Variants in USH2A observed in about 807,000 individuals in gnomAD.
USH2A encodes usherin.
A neutral mutation model predicts 538.9 loss-of-function variants in USH2A; 443 were observed. That is an observed-to-expected ratio of 0.82 (90% confidence interval 0.76 to 0.89). The LOEUF is 0.89. Among genes scored for constraint, USH2A ranks in the 40% least tolerant of loss-of-function variants. The pLI, the probability that USH2A is intolerant of heterozygous loss-of-function variation, is 0.00. For synonymous variants in USH2A, 2,413 were observed against 2,273.5 expected (o/e 1.06, Z -1.75); for missense variants, 6,633 against 6,324.8 (o/e 1.05, Z -1.65).
At chr1:216,262,582 C>T (rs1333669178) in intron 11 of USH2A, among the ~76,000 whole-genome samples, 2 of 151,952 alleles carry the variant, frequency 1.3e-5, no homozygotes, top group African/African-American at 2.4e-5. Context: ...ACTTGTGGGA[C>T]ACCATTAAGC....
intron 58 of USH2A, among the ~76,000 whole-genome samples, chr1:215,747,439 G>A (rs1660502081): frequency 6.6e-6 from 1 of 152,068 alleles, no homozygotes; most frequent in African/African-American, 2.4e-5. Flanking sequence ...CGACAAAACT[G>A]GCAGTTTTTA....
chr1:215,637,006 C>T (rs1400781205), intron 69 of USH2A, among the ~76,000 whole-genome samples: 1 of 151,984 alleles, frequency 6.6e-6, no homozygotes, highest in African/African-American at 2.4e-5. Context: ...CCCTTCCCTT[C>T]TGTCTTTTTG....
intron 11 of USH2A, among the ~76,000 whole-genome samples, chr1:216,274,513 G>A (rs1298798174): frequency 1.3e-5 from 2 of 152,094 alleles, no homozygotes; most frequent in East Asian, 3.9e-4. Context: ...TTTTCCTTAA[G>A]CTTCTGCATC....
intron 21 of USH2A, among the ~76,000 whole-genome samples, chr1:216,165,725 G>T (rs2034153311): frequency 6.6e-6 from 1 of 151,486 alleles, no homozygotes. Context: ...AATGTCTTAT[G>T]CCGTGCAAGA....
intron 32 of USH2A, among the ~76,000 whole-genome samples, chr1:216,040,534 A>G (rs1199032478): frequency 1.3e-5 from 2 of 152,002 alleles, no homozygotes; most frequent in Non-Finnish European, 2.9e-5. Context: ...TAAACTTCTT[A>G]AAAACGGCCA....
At chr1:216,396,876 A>G (rs1338880279) in intron 3 of USH2A, among the ~76,000 whole-genome samples, 1 of 152,224 alleles carries the variant, frequency 6.6e-6, no homozygotes, top group East Asian at 1.9e-4. Flanking sequence ...TACAAATTGT[A>G]TTATCTCCGC....
chr1:216,379,171 A>G (rs954648810), intron 3 of USH2A, among the ~76,000 whole-genome samples: 1 of 152,118 alleles, frequency 6.6e-6, no homozygotes, highest in Non-Finnish European at 1.5e-5. Flanking sequence ...GCTGTTTGCA[A>G]TTCCTGTCCC....
chr1:215,626,781 C>G (rs1656040116), intron 71 of USH2A, among the ~76,000 whole-genome samples: 1 of 152,296 alleles, frequency 6.6e-6, no homozygotes, highest in Non-Finnish European at 1.5e-5. Context: ...ACTCATCTCT[C>G]TAAACCTCAG....
At chr1:215,864,615 A>T (rs1449731778) in intron 44 of USH2A, among the ~76,000 whole-genome samples, 1 of 152,142 alleles carries the variant, frequency 6.6e-6, no homozygotes, top group African/African-American at 2.4e-5. Context: ...TCCTCAAATT[A>T]TCTTTATGTA....
intron 43 of USH2A, among the ~76,000 whole-genome samples, chr1:215,874,080 T>C (rs1197292110): frequency 6.6e-6 from 1 of 152,180 alleles, no homozygotes; most frequent in African/African-American, 2.4e-5. Context: ...CTGAAAATTG[T>C]GAAGGTAGAT....
chr1:215,690,969 C>T (rs1455406660), intron 61 of USH2A, among the ~76,000 whole-genome samples: 3 of 152,070 alleles, frequency 2.0e-5, no homozygotes, highest in Non-Finnish European at 4.4e-5. Flanking sequence ...CTGCAACCTC[C>T]ACCTCCCAGG....
intron 20 of USH2A, among the ~76,000 whole-genome samples, chr1:216,184,347 C>G (rs942861771): frequency 1.3e-5 from 2 of 151,872 alleles, no homozygotes; most frequent in Non-Finnish European, 2.9e-5. Flanking sequence ...TGGCAGCAGC[C>G]TCAGATTCAT....
intron 58 of USH2A, among the ~76,000 whole-genome samples, 172 bp downstream of exon 58, chr1:215,758,423 G>A (rs1329764035): frequency 6.6e-6 from 1 of 151,800 alleles, no homozygotes; most frequent in Non-Finnish European, 1.5e-5. Context: ...ATGTATGTAT[G>A]TACTCATGCG....
intron 3 of USH2A, among the ~76,000 whole-genome samples, chr1:216,391,069 T>C (rs2102746279): frequency 6.6e-6 from 1 of 152,280 alleles, no homozygotes; most frequent in Admixed American, 6.5e-5. Flanking sequence ...AACTCTAAGC[T>C]CACTGTCAAG....
chr1:215,652,856 G>C (rs563153141), intron 64 of USH2A, among the ~76,000 whole-genome samples: 1 of 152,324 alleles, frequency 6.6e-6, no homozygotes, highest in East Asian at 1.9e-4. Flanking sequence ...TTGGTGATTT[G>C]AGCGCAGGCA....
At chr1:215,656,855 C>T (rs1657270802) in intron 64 of USH2A, among the ~76,000 whole-genome samples, 1 of 152,120 alleles carries the variant, frequency 6.6e-6, no homozygotes, top group South Asian at 2.1e-4. Flanking sequence ...GGAATGTGAA[C>T]ATAATTTTGT....
At chr1:215,828,816 C>G (rs560712046) in intron 47 of USH2A, among the ~76,000 whole-genome samples, 5 of 152,256 alleles carry the variant, frequency 3.3e-5, no homozygotes, top group South Asian at 2.1e-4. Context: ...AATAAAACAT[C>G]TTTCTTGTTT....
At chr1:215,804,399 A>G (rs1204397577) in intron 49 of USH2A, among the ~76,000 whole-genome samples, 1 of 152,156 alleles carries the variant, frequency 6.6e-6, no homozygotes, top group Non-Finnish European at 1.5e-5. Flanking sequence ...ACAAAGGGCT[A>G]ATATCCAGAA....
At chr1:216,393,006 CT>C (rs2039137333) in intron 3 of USH2A, among the ~76,000 whole-genome samples, 1 of 152,122 alleles carries the variant, frequency 6.6e-6, no homozygotes, top group Non-Finnish European at 1.5e-5. Context: ...CTCAAGATCT[CT>C]TAAAAAGTGT....
Sources: gnomAD v4.1 joint callset for allele counts (sites outside exome capture counted in the v4.1 genomes callset) on GRCh38, gnomAD v4.1.1 for gene constraint, MANE v1.5 for transcripts, NCBI Gene and HGNC (gene_info 2026-07-23, HGNC 2026-07-21) for gene names.